Variants in ZNF813 observed in about 807,000 individuals in gnomAD.
ZNF813 encodes the protein zinc finger protein 813.
ZNF813 carries 3 observed loss-of-function variants against 7.2 expected under a neutral mutation model. The observed-to-expected ratio is 0.42, with a 90% CI of 0.19 to 1.08. ZNF813 has a LOEUF of 1.08. ZNF813 is among the 50% of genes least tolerant of loss of function. ZNF813 has a pLI of 0.30. For synonymous variants in ZNF813, 227 were observed against 256.3 expected (o/e 0.89, Z 1.09); for missense variants, 714 against 753.3 (o/e 0.95, Z 0.61).
chr19:53,474,822 C>A (rs2086374993), intron 1 of ZNF813, among the ~76,000 whole-genome samples: 1 of 152,162 alleles, frequency 6.6e-6, no homozygotes, highest in Admixed American at 6.5e-5. Flanking sequence ...CAAAGAACTT[C>A]TACTACCTTC....
intron 3 of ZNF813, among the ~76,000 whole-genome samples, chr19:53,488,007 T>C (rs1396332344): frequency 6.6e-6 from 1 of 152,214 alleles, no homozygotes; most frequent in Non-Finnish European, 1.5e-5. Context: ...TCTGTACTTT[T>C]ATTTGCCTAT....
intron 3 of ZNF813, among the ~76,000 whole-genome samples, chr19:53,489,320 A>T (rs552105389): frequency 7.0e-4 from 107 of 152,276 alleles, no homozygotes; most frequent in Non-Finnish European, 1.2e-3. Context: ...ATGTCACATT[A>T]ACTGGGGCAC....
intron 3 of ZNF813, among the ~76,000 whole-genome samples, chr19:53,489,081 G>C (rs1421401167): frequency 6.6e-6 from 1 of 151,484 alleles, no homozygotes; most frequent in Non-Finnish European, 1.5e-5. Flanking sequence ...ATCTTGGCTC[G>C]CTGCAACCTC....
At chr19:53,469,701 G>A (rs1459526773) in intron 1 of ZNF813, among the ~76,000 whole-genome samples, 2 of 143,266 alleles carry the variant, frequency 1.4e-5, no homozygotes, top group Non-Finnish European at 3.0e-5. Flanking sequence ...GAGGGATTTG[G>A]AGCCAGGGCA....
At position 53,490,600 on chromosome 19, in the gene ZNF813, C is replaced by T; in HGVS notation, c.368C>T (p.Ala123Val). ...GAAATCAAAAAGTTGACTGGTAGTG[C>T]AGACCGATATGATCAAAGGCATGCT... ...MTEIKKLTGS[A>V]DRYDQRHAGN... Residue 123 changes from alanine to valine, a missense_variant, in exon 4 of 4, where the codon GCA (alanine) becomes GTA (valine). Ala to Val is a moderately conservative substitution (Grantham distance 64). This residue lies in a region of ZNF813 where 563 missense variants were observed against 554.2 expected (regional missense o/e 1.02). Coordinates refer to ENST00000396403, the MANE Select transcript of ZNF813 (RefSeq NM_001004301.4). 1 of 1,614,172 alleles carries T rather than the reference C, an allele frequency of 6.2e-7. No individual in the cohort carries two copies. Among genetic ancestry groups the T allele is most frequent in the Non-Finnish European group, 8.5e-7 (1 of 1,180,040 alleles).
At position 53,492,876 on chromosome 19, in the gene ZNF813, C is replaced by CAT. The variant is rs58474905; in HGVS notation, c.*790_*791insAT. 119,009 of 482,186 alleles carry CAT rather than the reference C, an allele frequency of 0.25. 16,098 individuals carry two copies. Among genetic ancestry groups the CAT allele is most frequent in the African/African-American group, 0.46 (23,376 of 50,506 alleles). 29.9% of individuals were successfully genotyped at this position (482,186 alleles called of 1,614,324 possible). ...GAATTCATACAGGAGAGAAACCTCA[C>CAT]GTGTGATGATTGTGGCAAAGCCTTT... On this transcript the variant is annotated 3_prime_UTR_variant, in exon 4 of 4. Coordinates refer to ENST00000396403, the MANE Select transcript of ZNF813 (RefSeq NM_001004301.4).
intron 2 of ZNF813, among the ~76,000 whole-genome samples, chr19:53,485,342 GCTA>G (rs1252895896): frequency 2.6e-5 from 4 of 152,016 alleles, no homozygotes; most frequent in Non-Finnish European, 4.4e-5. Flanking sequence ...AACAAAACTT[GCTA>G]CTTTTTATAT....
intron 2 of ZNF813, among the ~76,000 whole-genome samples, chr19:53,486,288 A>G (rs2147161161): frequency 6.6e-6 from 1 of 152,212 alleles, no homozygotes; most frequent in Non-Finnish European, 1.5e-5. Flanking sequence ...TTCTACTAAA[A>G]ATACAAAAAT....
In ZNF813 at chr19:53,491,189, A is replaced by T; in HGVS notation, c.957A>T (p.Arg319Ser). The change falls in exon 4 of 4, where the codon AGA becomes AGT. Residue 319 changes from arginine to serine, a missense_variant. Transcript: ENST00000396403. ...SFKSNLKRHR[R>S]IHAGEKPYKC... ...AATCAAACCTTAAAAGACATAGGAG[A>T]ATTCATGCTGGAGAAAAACCATACA... is the stretch of plus-strand genomic sequence containing the variant. 1.2e-6 allele frequency: 2 copies of T among 1,613,868 alleles called. No individual in the cohort carries two copies. Among genetic ancestry groups the T allele is most frequent in the Middle Eastern group, 1.6e-4 (1 of 6,062 alleles).
intron 3 of ZNF813, among the ~76,000 whole-genome samples, chr19:53,489,218 G>T (rs2086448020): frequency 6.6e-6 from 1 of 152,080 alleles, no homozygotes; most frequent in Non-Finnish European, 1.5e-5. Context: ...TGTTTGTCAG[G>T]CTGGTCTCGA....
intron 1 of ZNF813, among the ~76,000 whole-genome samples, chr19:53,477,300 T>C (rs1479669059): frequency 6.6e-6 from 1 of 152,152 alleles, no homozygotes. Flanking sequence ...ATCTTATGTT[T>C]ATAGAGCCTT....
rs1485796591 is a variant in ZNF813 at position 53,483,726 on chromosome 19, A to T, written c.-73-24A>T. The T allele has an allele frequency of 1.9e-6, 3 of 1,596,916 alleles. No individual in the cohort carries two copies. The African/African-American group carries it at 4.0e-5, about 21-fold the overall frequency. ...AGGGGATGTGTTGATTCTGAGCAAT[A>T]AACAACATATTTCTAACATTCAGGA... On this transcript the variant is annotated intron_variant, in intron 1 of 3. Transcript: ENST00000396403.
chr19:53,496,059 C>T lies in ZNF813; in HGVS notation c.*3973C>T. 1 of 326,436 alleles carries T rather than the reference C, an allele frequency of 3.1e-6. No homozygotes were observed. The highest frequency in any genetic ancestry group is 8.2e-5 in the East Asian group (1 of 12,266). 20.2% of individuals were successfully genotyped at this position (326,436 alleles called of 1,614,324 possible). ...ATAAGGAATTGCACGTGAGATGGCA[C>T]ACATATTTATGCTGTGTGAGCATTA... On this transcript the variant is annotated 3_prime_UTR_variant, in exon 4 of 4. Transcript: ENST00000396403.
chr19:53,469,730 T>C (rs1242821265), intron 1 of ZNF813, among the ~76,000 whole-genome samples: 1 of 13,990 alleles, frequency 7.1e-5, no homozygotes, highest in African/African-American at 1.9e-4. Flanking sequence ...AGAGTGGTGC[T>C]GGTGGCAAGA....
chr19:53,491,425 T>G lies in ZNF813; in HGVS notation c.1193T>G (p.Leu398Arg), dbSNP rs766871781. ...CGKTFSQELT[L>R]KCHRRLHTGE... ...AAGACCTTCAGTCAGGAGTTAACCC[T>G]TAAATGCCATCGTAGACTTCATACC... The change falls in exon 4 of 4, where the codon CTT (leucine) becomes CGT (arginine). Residue 398 changes from leucine to arginine, a missense_variant. Leu to Arg is a moderately radical substitution (Grantham distance 102, BLOSUM62 -2). Transcript: ENST00000396403. The G allele has an allele frequency of 5.9e-5, 95 of 1,614,022 alleles. No homozygotes were observed. The highest frequency in any genetic ancestry group is 7.3e-5 in the Non-Finnish European group (86 of 1,180,014).
chr19:53,490,436 G>A lies in ZNF813; in HGVS notation c.204G>A (p.Val68=), dbSNP rs762904081. The A allele has an allele frequency of 3.7e-6, 6 of 1,614,034 alleles. No homozygotes were observed. The South Asian group carries it at 6.6e-5, about 18-fold the overall frequency. The change falls in exon 4 of 4, where the codon GTG becomes GTA. Residue 68 remains valine, a synonymous_variant. Transcript: ENST00000396403. ...CAACAGCACAAGGCAATAGAGAAGT[G>A]ATCCACACAGGGACATTGCAAAGAC... The part of the protein sequence containing the change: ...FSSTAQGNRE[V]IHTGTLQRHE...
At chr19:53,486,561 C>G in intron 2 of ZNF813, 71 bp from the exon 3 acceptor site, 1 of 1,612,016 alleles carries the variant, frequency 6.2e-7, no homozygotes, top group Non-Finnish European at 8.5e-7. Flanking sequence ...TCCCCTCTCT[C>G]CTCTTCTCAT....
Position 53,490,424 on chromosome 19 carries a change from C to T in ZNF813, c.192C>T (p.Gly64=), listed in dbSNP as rs776405048. The T allele has an allele frequency of 5.6e-6, 9 of 1,613,772 alleles. No individual in the cohort carries two copies. The highest frequency in any genetic ancestry group is 7.6e-6 in the Non-Finnish European group (9 of 1,179,988). The part of the protein sequence containing the change: ...MMKEFSSTAQ[G]NREVIHTGTL... ...AGGAGTTCTCATCAACAGCACAAGGCAATAGAGAAGTGATCCACACAGGGA... is the reference window on the plus strand; with the variant it reads ...AGGAGTTCTCATCAACAGCACAAGGTAATAGAGAAGTGATCCACACAGGGA... Residue 64 remains glycine (G), a synonymous_variant, in exon 4 of 4, where the codon GGC becomes GGT. Transcript: ENST00000396403.
At chr19:53,471,158 C>T (rs935026649) in intron 1 of ZNF813, among the ~76,000 whole-genome samples, 1 of 152,086 alleles carries the variant, frequency 6.6e-6, no homozygotes, top group African/African-American at 2.4e-5. Flanking sequence ...CTTCAAGTTT[C>T]TCCCTGTTGC....
Sources: gnomAD v4.1 joint callset for allele counts (sites outside exome capture counted in the v4.1 genomes callset) on GRCh38, gnomAD v4.1.1 for gene constraint, gnomAD v4.1.1 regional missense constraint, MANE v1.5 for transcripts, NCBI Gene and HGNC (gene_info 2026-07-23, HGNC 2026-07-21) for gene names.